TMCO5A: variants seen among roughly 807,000 people sequenced by gnomAD.
TMCO5A encodes transmembrane and coiled-coil domains 5A.
A neutral mutation model predicts 42.3 loss-of-function variants in TMCO5A; 34 were observed. The ratio of observed to expected loss-of-function variants is 0.80; its 90% CI spans 0.61 to 1.07. TMCO5A has a LOEUF of 1.07. Among genes scored for constraint, TMCO5A ranks in the 50% least tolerant of loss-of-function variants. The pLI is 0.00. For missense variants in TMCO5A, 357 were observed against 327.9 expected, an observed-to-expected ratio of 1.09 and a Z score of -0.69; for synonymous variants, 131 against 115.6, an observed-to-expected ratio of 1.13 and a Z score of -0.86.
downstream of TMCO5A, among the ~76,000 whole-genome samples, chr15:37,971,215 A>G (rs928023586): frequency 1.3e-5 from 2 of 152,150 alleles, no homozygotes; most frequent in Non-Finnish European, 2.9e-5. Flanking sequence ...TCAATTCTTG[A>G]CTTCTGTGCA....
chr15:38,023,714 T>A, the TMCO5A span, among the ~76,000 whole-genome samples: 1 of 152,214 alleles, frequency 6.6e-6, no homozygotes, highest in Non-Finnish European at 1.5e-5. Flanking sequence ...GCAAAGCATT[T>A]GGCGGATGAA....
chr15:37,945,440 G>C (rs914058594), intron 10 of TMCO5A, among the ~76,000 whole-genome samples: 2 of 152,104 alleles, frequency 1.3e-5, no homozygotes, highest in Non-Finnish European at 2.9e-5. Context: ...AGGTCTCTGA[G>C]GAATTGCCAC....
At chr15:38,005,264 GA>G in the TMCO5A span, among the ~76,000 whole-genome samples, 24,513 of 89,204 alleles carry the variant, frequency 0.27, 2,542 homozygotes, top group Middle Eastern at 0.34. Flanking sequence ...GTACTTGACA[GA>G]AAAAAAAAAA....
intron 11 of TMCO5A, among the ~76,000 whole-genome samples, chr15:37,964,724 T>A (rs1281471448): frequency 1.3e-5 from 2 of 152,026 alleles, no homozygotes; most frequent in African/African-American, 4.8e-5. Flanking sequence ...AAGAACTTTA[T>A]AATGAAAAAT....
chr15:37,960,227 C>A (rs1396913449), intron 11 of TMCO5A, among the ~76,000 whole-genome samples: 1 of 151,890 alleles, frequency 6.6e-6, no homozygotes, highest in Non-Finnish European at 1.5e-5. Flanking sequence ...TTGTATCATT[C>A]TTATGCCTTT....
chr15:37,949,112 A>G (rs1358320397), intron 11 of TMCO5A, among the ~76,000 whole-genome samples: 1 of 152,056 alleles, frequency 6.6e-6, no homozygotes, highest in Non-Finnish European at 1.5e-5. Flanking sequence ...ATTCATATTA[A>G]AGCCATAAGG....
intron 11 of TMCO5A, among the ~76,000 whole-genome samples, chr15:37,948,087 T>C (rs1406093019): frequency 6.6e-6 from 1 of 152,096 alleles, no homozygotes; most frequent in Non-Finnish European, 1.5e-5. Context: ...CATGCTAGTA[T>C]ACCACTGTCT....
At chr15:37,958,440 C>A (rs1351833724) in intron 11 of TMCO5A, among the ~76,000 whole-genome samples, 1 of 152,120 alleles carries the variant, frequency 6.6e-6, no homozygotes, top group Non-Finnish European at 1.5e-5. Flanking sequence ...AGGATATGGA[C>A]AGACACTTTC....
the TMCO5A span, among the ~76,000 whole-genome samples, chr15:38,034,570 C>T: frequency 2.6e-5 from 4 of 152,178 alleles, no homozygotes; most frequent in African/African-American, 9.7e-5. Context: ...TTCCCTGGCT[C>T]CACCTCCCCA....
chr15:38,016,947 A>T, the TMCO5A span, among the ~76,000 whole-genome samples: 1 of 152,082 alleles, frequency 6.6e-6, no homozygotes, highest in Non-Finnish European at 1.5e-5. Flanking sequence ...TAAAGAACAG[A>T]TTATGAACAC....
chr15:38,008,020 C>T, the TMCO5A span, among the ~76,000 whole-genome samples: 3 of 151,264 alleles, frequency 2.0e-5, no homozygotes, highest in Admixed American at 6.6e-5. Flanking sequence ...CTCAGCCTCC[C>T]GGGTTGCTGG....
chr15:37,948,132 A>AC (rs1453284762), intron 11 of TMCO5A, among the ~76,000 whole-genome samples: 4 of 152,098 alleles, frequency 2.6e-5, no homozygotes, highest in Admixed American at 1.3e-4. Context: ...CATTATGAGA[A>AC]AGAGCATCTA....
At chr15:37,957,303 C>T (rs1034832351) in intron 11 of TMCO5A, among the ~76,000 whole-genome samples, 2 of 152,198 alleles carry the variant, frequency 1.3e-5, no homozygotes, top group South Asian at 2.1e-4. Flanking sequence ...GTCAAATTGT[C>T]TGTGTTTGCA....
At chr15:37,984,139 A>G in the TMCO5A span, among the ~76,000 whole-genome samples, 1 of 152,184 alleles carries the variant, frequency 6.6e-6, no homozygotes, top group African/African-American at 2.4e-5. Flanking sequence ...CTTCTGTAAA[A>G]AGTAAGGGGG....
At chr15:37,985,482 A>G in the TMCO5A span, among the ~76,000 whole-genome samples, 3 of 152,214 alleles carry the variant, frequency 2.0e-5, no homozygotes, top group East Asian at 1.9e-4. Context: ...CTAGCAGTAC[A>G]TTGTAAATTT....
intron 5 of TMCO5A, 34 bp from the exon 6 acceptor site, chr15:37,938,124 T>C: frequency 2.0e-6 from 3 of 1,533,020 alleles, no homozygotes; most frequent in Non-Finnish European, 2.7e-6. Context: ...TTCTACACCT[T>C]TTAATTTAGT....
intron 5 of TMCO5A, among the ~76,000 whole-genome samples, chr15:37,937,921 G>T (rs747608836): frequency 6.6e-6 from 1 of 152,002 alleles, no homozygotes; most frequent in African/African-American, 2.4e-5. Context: ...AACCCAGTGC[G>T]AATTAGGGGT....
intron 3 of TMCO5A, 32 bp from the exon 4 acceptor site, chr15:37,936,815 G>A (rs1889528872): frequency 6.2e-7 from 1 of 1,608,740 alleles, no homozygotes; most frequent in African/African-American, 1.3e-5. Flanking sequence ...TGCCAAGCAT[G>A]GGTCCTCATG....
chr15:37,979,804 AGCT>A, the TMCO5A span, among the ~76,000 whole-genome samples: 1 of 152,114 alleles, frequency 6.6e-6, no homozygotes, highest in Non-Finnish European at 1.5e-5. Context: ...CGCAGGGCAG[AGCT>A]GCTACCAGCA....
Sources: allele counts gnomAD v4.1 joint callset (sites outside exome capture counted in the v4.1 genomes callset), GRCh38; gene constraint gnomAD v4.1.1; transcripts MANE v1.5; gene names NCBI Gene and HGNC (gene_info 2026-07-23, HGNC 2026-07-21).